Variants in USP34 observed in about 807,000 individuals in gnomAD.
USP34 encodes the protein ubiquitin carboxyl-terminal hydrolase 34.
In USP34, 70 loss-of-function variants were observed where a neutral mutation model predicts 460.3. The ratio of observed to expected loss-of-function variants is 0.15; its 90% CI spans 0.13 to 0.19. The LOEUF is 0.19. Among genes scored for constraint, USP34 ranks in the 10% least tolerant of loss-of-function variants. The pLI is 1.00. For missense variants in USP34, 3,985 were observed against 4,236.2 expected, an observed-to-expected ratio of 0.94 and a Z score of 1.65; for synonymous variants, 1,647 against 1,405.3, an observed-to-expected ratio of 1.17 and a Z score of -3.85.
rs184464179 is a variant in USP34, at chr2:61,217,123, T to G, written c.8048-2429A>C. ...TTTTCCTATAAAAGCTACTTGCTTT[T>G]AAATAAAAAGGAAGTTCTGCTTCAG... is the stretch of plus-strand genomic sequence containing the variant. On this transcript the variant is annotated intron_variant, in intron 67 of 79. Transcript: ENST00000398571. 4.5e-4 allele frequency among the ~76,000 whole-genome samples: 68 copies of G among 152,302 alleles called. No individual in the cohort carries two copies. The Middle Eastern group carries it at 0.014, about 30-fold the overall frequency.
intron 33 of USP34, 96 bp from the exon 34 acceptor site, chr2:61,288,973 T>C: frequency 8.1e-7 from 1 of 1,235,038 alleles, no homozygotes; most frequent in Non-Finnish European, 1.1e-6. Flanking sequence ...ATAAAAATAA[T>C]TATAGCTAGT....
Position 61,268,437 on chromosome 2 carries a change from T to A in USP34, c.5434-2270A>T, listed in dbSNP as rs1237504267. Among the ~76,000 whole-genome samples, 8 of 74,810 alleles carry A rather than the reference T, an allele frequency of 1.1e-4. No homozygotes were observed. In the South Asian group the frequency reaches 2.3e-3, roughly 21 times the overall value. 49.1% of individuals were successfully genotyped at this position (74,810 alleles called of 152,430 possible). A position where few individuals can be genotyped will look rare whatever the true frequency, so the allele number is the denominator to read the frequency against. On this transcript the variant is annotated intron_variant, in intron 41 of 79. Transcript: ENST00000398571. ...CTTTGAGTTCATGCAAGAGCTGTTGTTAAAAAAAAAAAAAAAAAAAAAAAA... is the reference window on the plus strand; with the variant it reads ...CTTTGAGTTCATGCAAGAGCTGTTGATAAAAAAAAAAAAAAAAAAAAAAAA...
At chr2:61,417,481 A>G in intron 2 of USP34, 1 of 253,810 alleles carries the variant, frequency 3.9e-6, no homozygotes, top group Non-Finnish European at 7.8e-6. Context: ...GAGACTGACC[A>G]TAGTTAACTG....
chr2:61,314,913 C>T lies in USP34; in HGVS notation c.3344G>A (p.Arg1115Gln), dbSNP rs1233454474. ...GGAGTTAATATACTGGATAGCTGCT[C>T]GACTGACATCACCAGATTGTGCTCT... ...ALRAQSGDVS[R>Q]AAIQYINSYY... Residue 1115 changes from arginine (R) to glutamine (Q), a missense_variant, in exon 24 of 80, where the codon CGA becomes CAA. Arg to Gln is a conservative substitution (Grantham distance 43). Transcript: ENST00000398571. 1.1e-5 allele frequency: 17 copies of T among 1,613,624 alleles called. No homozygotes were observed. Among genetic ancestry groups the T allele is most frequent in the Non-Finnish European group, 1.4e-5 (16 of 1,179,862 alleles).
At chr2:61,467,313 A>G (rs1164579008) in intron 1 of USP34, among the ~76,000 whole-genome samples, 1 of 152,014 alleles carries the variant, frequency 6.6e-6, no homozygotes, top group East Asian at 1.9e-4. Flanking sequence ...CAAATAAAAA[A>G]TAAAAAAATA....
chr2:61,374,266 C>A, intron 8 of USP34, among the ~76,000 whole-genome samples: 1 of 152,056 alleles, frequency 6.6e-6, no homozygotes, highest in East Asian at 1.9e-4. Context: ...GGATTCAAAC[C>A]GCATCCAAGT....
chr2:61,388,032 C>T (rs1009953898), intron 5 of USP34, among the ~76,000 whole-genome samples: 1 of 151,200 alleles, frequency 6.6e-6, no homozygotes, highest in Admixed American at 6.6e-5. Context: ...TTTGGAAGGC[C>T]AAGGATGGAG....
intron 53 of USP34, among the ~76,000 whole-genome samples, chr2:61,240,557 C>T (rs1212076810): frequency 1.3e-5 from 2 of 151,824 alleles, no homozygotes; most frequent in African/African-American, 4.8e-5. Flanking sequence ...GGATTACAGG[C>T]ATGAGCCACC....
chr2:61,193,943 A>T (rs1384353705), intron 75 of USP34: 3 of 241,638 alleles, frequency 1.2e-5, no homozygotes, highest in South Asian at 3.1e-4. Context: ...TCTTTCAGTA[A>T]AACTTTACAA....
At chr2:61,238,718 G>C (rs1018262032) in intron 53 of USP34, among the ~76,000 whole-genome samples, 1 of 152,034 alleles carries the variant, frequency 6.6e-6, no homozygotes. Context: ...TAGTAAGCTG[G>C]AACAATTATA....
intron 3 of USP34, among the ~76,000 whole-genome samples, chr2:61,395,522 G>C (rs1454842672): frequency 6.8e-6 from 1 of 147,790 alleles, no homozygotes; most frequent in Non-Finnish European, 1.5e-5. Context: ...ATCCCGGCCG[G>C]ACGCGGTGGC....
chr2:61,416,831 G>GGGGGGGC (rs1694210126), intron 2 of USP34: 2 of 372,446 alleles, frequency 5.4e-6, no homozygotes, highest in Non-Finnish European at 9.3e-6. Flanking sequence ...TGGGGGGGGG[G>GGGGGGGC]ACAGGAAGTA....
intron 3 of USP34, among the ~76,000 whole-genome samples, chr2:61,396,012 AC>A: frequency 6.6e-6 from 1 of 151,410 alleles, no homozygotes; most frequent in Admixed American, 6.6e-5. Context: ...AGCTGAAATC[AC>A]GCCATTACAC....
intron 33 of USP34, among the ~76,000 whole-genome samples, chr2:61,292,274 G>T (rs1689880460): frequency 6.6e-6 from 1 of 151,976 alleles, no homozygotes; most frequent in African/African-American, 2.4e-5. Flanking sequence ...GAACAATCCT[G>T]AACTTAGAAG....
At chr2:61,436,888 A>C (rs1208891992) in intron 1 of USP34, among the ~76,000 whole-genome samples, 1 of 152,232 alleles carries the variant, frequency 6.6e-6, no homozygotes, top group East Asian at 1.9e-4. Flanking sequence ...ATACAAGAGA[A>C]ATGCTGGAAA....
chr2:61,387,815 A>G (rs1175963343), intron 5 of USP34, among the ~76,000 whole-genome samples: 2 of 149,612 alleles, frequency 1.3e-5, no homozygotes, highest in Non-Finnish European at 3.0e-5. Flanking sequence ...TTACGTATAC[A>G]CACATGTAAA....
chr2:61,248,057 C>T (rs757107636), intron 49 of USP34, among the ~76,000 whole-genome samples: 5 of 151,850 alleles, frequency 3.3e-5, no homozygotes, highest in South Asian at 2.1e-4. Context: ...CCTGGTGGTG[C>T]GTGCCTATGG....
chr2:61,349,270 C>G lies in USP34; in HGVS notation c.1523G>C (p.Arg508Thr), dbSNP rs755693395. 8 of 1,613,390 alleles carry G rather than the reference C, an allele frequency of 5.0e-6. No individual in the cohort carries two copies. The Admixed American group carries it at 1.2e-4, about 24-fold the overall frequency. ...CTTACAAGGTGATGGAGCTGTTCTT[C>G]TAAGCTCTTCTTCCTCTGAAGGAAA... is the stretch of plus-strand genomic sequence containing the variant. Reference protein sequence around the residue: ...IGNKKEEEELRRTAPSPWSPA... With the variant: ...IGNKKEEEELTRTAPSPWSPA... Residue 508 changes from arginine to threonine, a missense_variant, in exon 13 of 80, where the codon AGA becomes ACA. Physicochemically the swap from Arg to Thr is moderately conservative, Grantham distance 71. Around this residue, in one of 14 missense-constraint regions of USP34, gnomAD observed 716 missense variants for 626.2 expected, o/e 1.14. Coordinates refer to ENST00000398571, the MANE Select transcript of USP34 (RefSeq NM_014709.4).
chr2:61,347,148 AAAG>A lies in USP34; in HGVS notation c.2285+719_2285+721del, dbSNP rs547283952. Reference sequence around the variant, plus strand: ...GAGCGAGACCCTGTCTCAAAGAAAAAAAGAAGAAGAAAACAAATAAATCAATAA... The same window carrying A: ...GAGCGAGACCCTGTCTCAAAGAAAAAAAGAAGAAAACAAATAAATCAATAA... On this transcript the variant is annotated intron_variant, in intron 15 of 79. Coordinates refer to ENST00000398571, the MANE Select transcript of USP34 (RefSeq NM_014709.4). 2.6e-3 allele frequency among the ~76,000 whole-genome samples: 394 copies of A among 152,272 alleles called. 1 individual carries two copies. The highest frequency in any genetic ancestry group is 4.2e-3 in the Non-Finnish European group (287 of 68,018).
Sources: allele counts gnomAD v4.1 joint callset (sites outside exome capture counted in the v4.1 genomes callset), GRCh38; gene constraint gnomAD v4.1.1; regional missense constraint gnomAD v4.1.1; transcripts MANE v1.5; gene names NCBI Gene and HGNC (gene_info 2026-07-23, HGNC 2026-07-21).